Variants in SGCD observed in about 807,000 individuals in gnomAD.
The protein encoded by SGCD is delta-sarcoglycan.
In SGCD, 18 loss-of-function variants were observed where a neutral mutation model predicts 36.6. The observed-to-expected ratio is 0.49, with a 90% CI of 0.34 to 0.73. SGCD has a LOEUF of 0.73. SGCD is among the 30% of genes least tolerant of loss of function. The probability of loss-of-function intolerance (pLI) is 0.01; values close to 1 mark genes in which losing one functional copy is unlikely to be tolerated. For missense variants in SGCD, 387 were observed against 346.7 expected (o/e 1.12, Z -0.92); for synonymous variants, 133 against 130.6 (o/e 1.02, Z -0.12).
At chr5:156,050,748 A>G (rs1408952877) in intron 1 of SGCD, among the ~76,000 whole-genome samples, 2 of 146,440 alleles carry the variant, frequency 1.4e-5, no homozygotes, top group Non-Finnish European at 3.1e-5. Flanking sequence ...GAGATAATTC[A>G]TTTTGCCTTT....
chr5:156,676,033 A>G (rs923671057), intron 7 of SGCD, among the ~76,000 whole-genome samples: 3 of 152,194 alleles, frequency 2.0e-5, no homozygotes, highest in South Asian at 4.1e-4. Context: ...CATAGCATGG[A>G]AATGAAATTA....
At chr5:156,211,713 A>C (rs1764448652) in intron 3 of SGCD, among the ~76,000 whole-genome samples, 1 of 152,096 alleles carries the variant, frequency 6.6e-6, no homozygotes, top group Admixed American at 6.5e-5. Flanking sequence ...CAAATTCATA[A>C]TATTCTAATA....
chr5:156,441,236 C>A (rs1753478457), intron 3 of SGCD, among the ~76,000 whole-genome samples: 1 of 152,160 alleles, frequency 6.6e-6, no homozygotes, highest in African/African-American at 2.4e-5. Context: ...TCACCTCTAA[C>A]AAGCGTAATA....
rs561612456 is a variant in SGCD, at chr5:156,455,296, T to A, written c.193-53305T>A. The stretch of plus-strand genomic sequence containing the variant: ...GGCAGTTGCAGTCAAGGACGCAGGG[T>A]CCCTGGCTACTTGTGTTCCTACTCA... On this transcript the variant is annotated intron_variant, in intron 3 of 8. Coordinates refer to ENST00000337851, the MANE Select transcript of SGCD (RefSeq NM_000337.6). Among the ~76,000 whole-genome samples the A allele has an allele frequency of 2.3e-4, 35 of 152,302 alleles. No homozygotes were observed. In the South Asian group the frequency reaches 6.6e-3, roughly 29 times the overall value.
the SGCD span, among the ~76,000 whole-genome samples, chr5:155,765,704 C>G: frequency 6.6e-6 from 1 of 152,032 alleles, no homozygotes; most frequent in Non-Finnish European, 1.5e-5. Flanking sequence ...ACCTCCCACT[C>G]ACATGGAGGA....
At chr5:155,886,496 GCGCA>G (rs898003756) in intron 1 of SGCD, among the ~76,000 whole-genome samples, 10 of 151,206 alleles carry the variant, frequency 6.6e-5, no homozygotes, top group South Asian at 2.1e-4. Flanking sequence ...GTGTGTGTGC[GCGCA>G]CGCGCGCGTG....
chr5:156,223,685 A>G (rs529378755), intron 3 of SGCD, among the ~76,000 whole-genome samples: 3 of 152,204 alleles, frequency 2.0e-5, no homozygotes, highest in Non-Finnish European at 2.9e-5. Context: ...TGGGGCTGAC[A>G]TTAGTGATGC....
rs1187167870 is a variant in SGCD, at chr5:156,049,769, G to A, written c.-281-68109G>A. ...AAAAGAGGTCCAAAGAGCAACATGA[G>A]CATGACTTGGGAAAAAGTTGATTCC... On this transcript the variant is annotated intron_variant, in intron 1 of 9. Coordinates refer to the SGCD transcript ENST00000517913. Among the ~76,000 whole-genome samples, 2 of 146,516 alleles carry A rather than the reference G, an allele frequency of 1.4e-5. 1 individual carries two copies. Among genetic ancestry groups the A allele is most frequent in the Non-Finnish European group, 3.1e-5 (2 of 65,004 alleles).
chr5:155,811,171 G>T, the SGCD span, among the ~76,000 whole-genome samples: 1 of 152,008 alleles, frequency 6.6e-6, no homozygotes, highest in African/African-American at 2.4e-5. Flanking sequence ...CAGGTCCCAA[G>T]GAACTACCAA....
At chr5:156,416,853 A>G (rs550475816) in intron 3 of SGCD, among the ~76,000 whole-genome samples, 2 of 152,346 alleles carry the variant, frequency 1.3e-5, no homozygotes, top group South Asian at 4.1e-4. Flanking sequence ...GCCAGCAAGG[A>G]CTTTGTGTCC....
chr5:155,905,792 C>A (rs952310865), intron 1 of SGCD, among the ~76,000 whole-genome samples: 1 of 152,036 alleles, frequency 6.6e-6, no homozygotes, highest in Non-Finnish European at 1.5e-5. Context: ...TTTGCTTTTT[C>A]CTCATTTTTC....
At chr5:156,694,796 A>C (rs1032898179) in intron 7 of SGCD, among the ~76,000 whole-genome samples, 3 of 152,228 alleles carry the variant, frequency 2.0e-5, no homozygotes, top group Admixed American at 6.5e-5. Context: ...CACTGAGAAA[A>C]AAGGAATGTG....
intron 7 of SGCD, among the ~76,000 whole-genome samples, chr5:156,691,430 A>G (rs1352389014): frequency 6.6e-6 from 1 of 152,156 alleles, no homozygotes; most frequent in Non-Finnish European, 1.5e-5. Context: ...CCTTGTGCAG[A>G]GGTGAACTAA....
chr5:156,601,111 C>T (rs1761172641), intron 6 of SGCD, among the ~76,000 whole-genome samples: 1 of 152,034 alleles, frequency 6.6e-6, no homozygotes, highest in African/African-American at 2.4e-5. Flanking sequence ...TCTTCTTTCT[C>T]TTGTTTCCTT....
chr5:156,583,729 T>C (rs1377263094), intron 4 of SGCD, among the ~76,000 whole-genome samples: 1 of 152,188 alleles, frequency 6.6e-6, no homozygotes, highest in Non-Finnish European at 1.5e-5. Context: ...GAAACAAAGA[T>C]AATATGACAT....
At chr5:156,050,217 T>C (rs1157902577) in intron 1 of SGCD, among the ~76,000 whole-genome samples, 15 of 146,498 alleles carry the variant, frequency 1.0e-4, no homozygotes, top group Admixed American at 1.0e-3. Context: ...CATTGTCATC[T>C]TATTTTAAGA....
At chr5:156,639,837 GT>G (rs199528326) in intron 6 of SGCD, among the ~76,000 whole-genome samples, 4 of 145,110 alleles carry the variant, frequency 2.8e-5, no homozygotes, top group African/African-American at 7.6e-5. Flanking sequence ...CTATTCTCAT[GT>G]TTTTTTTTTC....
chr5:156,370,738 C>T (rs1315085850), intron 3 of SGCD, among the ~76,000 whole-genome samples: 2 of 151,750 alleles, frequency 1.3e-5, no homozygotes, highest in Admixed American at 6.6e-5. Flanking sequence ...AGTTTTTTTA[C>T]GGAGTTGATA....
intron 3 of SGCD, among the ~76,000 whole-genome samples, chr5:156,175,392 G>C (rs1027730487): frequency 8.7e-5 from 13 of 149,660 alleles, no homozygotes; most frequent in Non-Finnish European, 1.5e-5. Flanking sequence ...CTCTTATTTT[G>C]TGAGCGCACT....
Sources: gnomAD v4.1 joint callset for allele counts (sites outside exome capture counted in the v4.1 genomes callset) on GRCh38, gnomAD v4.1.1 for gene constraint, MANE v1.5 for transcripts, NCBI Gene and HGNC (gene_info 2026-07-23, HGNC 2026-07-21) for gene names.